The following LHFPL3 variants were observed in gnomAD, a reference collection of about 807,000 sequenced individuals.
The protein encoded by LHFPL3 is LHFPL tetraspan subfamily member 3 protein.
LHFPL3 carries 5 observed loss-of-function variants against 19.3 expected under a neutral mutation model. The observed-to-expected ratio is 0.26, with a 90% CI of 0.14 to 0.54. LHFPL3 has a LOEUF of 0.54. Ranked by LOEUF, LHFPL3 falls within the 20% of genes least tolerant of loss-of-function variation. LHFPL3 has a pLI of 0.94. For synonymous variants in LHFPL3, 133 were observed against 126.2 expected (o/e 1.05, Z -0.36); for missense variants, 249 against 307.4 (o/e 0.81, Z 1.42).
intron 2 of LHFPL3, among the ~76,000 whole-genome samples, chr7:104,835,343 A>G (rs1562808961): frequency 1.3e-5 from 2 of 151,942 alleles, no homozygotes; most frequent in South Asian, 4.1e-4. Context: ...TTTGTTCTTC[A>G]TGGAGCCCTA....
Position 104,867,064 on chromosome 7 carries a change from C to A in LHFPL3, c.683-39123C>A, listed in dbSNP as rs891355419. On this transcript the variant is annotated intron_variant, in intron 2 of 2. Coordinates refer to ENST00000424859, the MANE Select transcript of LHFPL3 (RefSeq NM_199000.3). ...ACACAACATACCAGAATCTCTGGGACACATTCAAAGCAGTGTGTAGAGGGA... is the reference window on the plus strand; with the variant it reads ...ACACAACATACCAGAATCTCTGGGAAACATTCAAAGCAGTGTGTAGAGGGA... Among the ~76,000 whole-genome samples the A allele has an allele frequency of 2.2e-4, 33 of 152,144 alleles. 1 individual carries two copies. The highest frequency in any genetic ancestry group is 3.9e-4 in the Admixed American group (6 of 15,274).
In LHFPL3 at chr7:104,906,829, A is replaced by T. The variant is rs898404375; in HGVS notation, c.*614A>T. On this transcript the variant is annotated 3_prime_UTR_variant, in exon 3 of 3. Coordinates refer to ENST00000424859, the MANE Select transcript of LHFPL3 (RefSeq NM_199000.3). ...CAGTTATTAAGAGACGTAACGCTTC[A>T]AACTTTTTACCAAGTCTGTGTTCTG... 6.5e-6 allele frequency: 1 copy of T among 152,746 alleles called. No homozygotes were observed. The highest frequency in any genetic ancestry group is 2.4e-5 in the African/African-American group (1 of 41,466). 9.5% of individuals were successfully genotyped at this position (152,746 alleles called of 1,614,324 possible). A position where few individuals can be genotyped will look rare whatever the true frequency, so the allele number is the denominator to read the frequency against.
chr7:104,430,408 A>ATATATATATATATG (rs1791956167), intron 1 of LHFPL3, among the ~76,000 whole-genome samples: 1 of 32,512 alleles, frequency 3.1e-5, no homozygotes, highest in African/African-American at 2.1e-4. Context: ...ATATATACAT[A>ATATATATATATATG]TATATATATA....
At chr7:104,690,656 G>A (rs1473061948) in intron 1 of LHFPL3, among the ~76,000 whole-genome samples, 1 of 152,170 alleles carries the variant, frequency 6.6e-6, no homozygotes, top group Non-Finnish European at 1.5e-5. Context: ...GCCTGTCAAG[G>A]TATTCCTTCT....
chr7:104,385,667 T>TATTTATTCATTC (rs5886309), intron 1 of LHFPL3, among the ~76,000 whole-genome samples: 51,343 of 151,574 alleles, frequency 0.34, 9,005 homozygotes, highest in Admixed American at 0.48. Context: ...CATGGCAATT[T>TATTTATTCATTC]ATTCATTCAT....
chr7:104,602,926 G>A (rs1002071458), intron 1 of LHFPL3, among the ~76,000 whole-genome samples: 12 of 152,110 alleles, frequency 7.9e-5, no homozygotes, highest in Non-Finnish European at 1.8e-4. Flanking sequence ...ACACTCCCAT[G>A]ACAATTAACC....
intron 1 of LHFPL3, among the ~76,000 whole-genome samples, chr7:104,640,337 G>A (rs536981906): frequency 6.6e-6 from 1 of 152,138 alleles, no homozygotes; most frequent in Admixed American, 6.5e-5. Context: ...TGTTTTCATT[G>A]TTCAGCTCCC....
chr7:104,547,482 A>G (rs1228562707), intron 1 of LHFPL3, among the ~76,000 whole-genome samples: 1 of 152,160 alleles, frequency 6.6e-6, no homozygotes, highest in Non-Finnish European at 1.5e-5. Flanking sequence ...TGAGTAATCA[A>G]TAGTGATGTA....
chr7:104,523,480 C>A (rs1187230164), intron 1 of LHFPL3, among the ~76,000 whole-genome samples: 1 of 152,146 alleles, frequency 6.6e-6, no homozygotes, highest in African/African-American at 2.4e-5. Context: ...AAGTAAAATA[C>A]AATTTGCTGC....
intron 2 of LHFPL3, chr7:104,845,275 TCAA>T: frequency 1.4e-6 from 1 of 723,670 alleles, no homozygotes; most frequent in Non-Finnish European, 2.4e-6. Flanking sequence ...CTGCACACCG[TCAA>T]TGGAATAGCC....
chr7:104,498,837 A>C (rs1459351439), intron 1 of LHFPL3, among the ~76,000 whole-genome samples: 1 of 152,234 alleles, frequency 6.6e-6, no homozygotes, highest in African/African-American at 2.4e-5. Flanking sequence ...TAGAAATGCC[A>C]GCTCTCAGGA....
intron 1 of LHFPL3, among the ~76,000 whole-genome samples, chr7:104,549,875 T>C (rs1282495022): frequency 6.6e-6 from 1 of 152,040 alleles, no homozygotes; most frequent in Non-Finnish European, 1.5e-5. Context: ...AGCTGTAATA[T>C]CATAGAACTG....
intron 1 of LHFPL3, among the ~76,000 whole-genome samples, chr7:104,512,551 C>T (rs1404153071): frequency 6.6e-6 from 1 of 151,916 alleles, no homozygotes; most frequent in Non-Finnish European, 1.5e-5. Flanking sequence ...GCCTGGCCAA[C>T]ATGGTGAAAC....
intron 2 of LHFPL3, among the ~76,000 whole-genome samples, chr7:104,844,715 T>C (rs1231226878): frequency 6.6e-6 from 1 of 152,234 alleles, no homozygotes; most frequent in Non-Finnish European, 1.5e-5. Context: ...TCTTTCCTTG[T>C]AGAATAATAG....
chr7:104,876,550 G>A (rs997939066), intron 2 of LHFPL3, among the ~76,000 whole-genome samples: 8 of 151,296 alleles, frequency 5.3e-5, no homozygotes, highest in East Asian at 1.9e-4. Context: ...GGCCATCAGA[G>A]AAATGCAAAT....
chr7:104,642,383 G>A (rs1791854464), intron 1 of LHFPL3, among the ~76,000 whole-genome samples: 1 of 152,040 alleles, frequency 6.6e-6, no homozygotes, highest in Non-Finnish European at 1.5e-5. Flanking sequence ...ACTTCACACA[G>A]AGATTTTCTA....
At chr7:104,769,152 T>A (rs143193367) in intron 2 of LHFPL3, 1 of 152,276 alleles carries the variant, frequency 6.6e-6, no homozygotes, top group Non-Finnish European at 1.5e-5. Context: ...ATGTTATCTA[T>A]AGAAGCACAG....
chr7:104,782,264 A>G (rs967009043), intron 2 of LHFPL3, among the ~76,000 whole-genome samples: 3 of 152,204 alleles, frequency 2.0e-5, no homozygotes, highest in African/African-American at 2.4e-5. Flanking sequence ...TCTTCTCACA[A>G]TGCAGTTTAG....
chr7:104,407,097 C>A (rs918945432), intron 1 of LHFPL3, among the ~76,000 whole-genome samples: 1 of 152,166 alleles, frequency 6.6e-6, no homozygotes, highest in Non-Finnish European at 1.5e-5. Flanking sequence ...AGTGAAGATT[C>A]AGTTACATCA....
Sources: allele counts gnomAD v4.1 joint callset (sites outside exome capture counted in the v4.1 genomes callset), GRCh38; gene constraint gnomAD v4.1.1; transcripts MANE v1.5; gene names NCBI Gene and HGNC (gene_info 2026-07-23, HGNC 2026-07-21).